Variants in PDZD2 observed in about 807,000 individuals in gnomAD.
The protein encoded by PDZD2 is PDZ domain-containing protein 2.
A neutral mutation model predicts 220.7 loss-of-function variants in PDZD2; 90 were observed. The ratio of observed to expected loss-of-function variants is 0.41; its 90% CI spans 0.34 to 0.49. The LOEUF is 0.49. Among genes scored for constraint, PDZD2 ranks in the 20% least tolerant of loss-of-function variants. The pLI is 0.28. For synonymous variants in PDZD2, 1,375 were observed against 1,450.5 expected (o/e 0.95, Z 1.18); for missense variants, 3,174 against 3,608.5 (o/e 0.88, Z 3.08).
chr5:31,825,631 T>C (rs1756162033), intron 2 of PDZD2, among the ~76,000 whole-genome samples: 2 of 152,216 alleles, frequency 1.3e-5, no homozygotes, highest in Admixed American at 1.3e-4. Flanking sequence ...TGTAGTCTTT[T>C]TCCAGACCTT....
In PDZD2 at chr5:31,930,451, G is replaced by A. The variant is rs558517777; in HGVS notation, c.477-52704G>A. The stretch of plus-strand genomic sequence containing the variant: ...CCTGACCTCGTGATCCGCCCGCCTC[G>A]GCCTCCCAAAGTGCTGGGATTACAG... On this transcript the variant is annotated intron_variant, in intron 2 of 24. Coordinates refer to ENST00000438447, the MANE Select transcript of PDZD2 (RefSeq NM_178140.4). Among the ~76,000 whole-genome samples, 104 of 151,878 alleles carry A rather than the reference G, an allele frequency of 6.8e-4. 1 individual carries two copies. The highest frequency in any genetic ancestry group is 1.3e-3 in the Non-Finnish European group (85 of 67,932).
intron 2 of PDZD2, among the ~76,000 whole-genome samples, chr5:31,869,353 A>G (rs1391891404): frequency 9.2e-5 from 14 of 152,012 alleles, no homozygotes; most frequent in Admixed American, 8.5e-4. Context: ...AGCACAGTCC[A>G]TCTCTTTTTT....
intron 10 of PDZD2, among the ~76,000 whole-genome samples, chr5:32,057,401 A>C (rs1049042035): frequency 3.3e-5 from 5 of 152,232 alleles, no homozygotes; most frequent in South Asian, 2.1e-4. Context: ...GCAATGGCTA[A>C]AAAAATAAGA....
At chr5:31,766,073 A>G (rs1046407120) in intron 1 of PDZD2, among the ~76,000 whole-genome samples, 7 of 152,198 alleles carry the variant, frequency 4.6e-5, no homozygotes, top group Non-Finnish European at 7.4e-5. Flanking sequence ...CCAGCTACTC[A>G]GGGGGCTGGG....
At chr5:31,723,955 A>C (rs1561408534) in intron 1 of PDZD2, among the ~76,000 whole-genome samples, 1 of 152,158 alleles carries the variant, frequency 6.6e-6, no homozygotes. Context: ...GAGGTGTGAA[A>C]GGCAAGCCTC....
intron 2 of PDZD2, among the ~76,000 whole-genome samples, chr5:31,826,455 T>A (rs564191116): frequency 2.8e-4 from 42 of 152,086 alleles, no homozygotes; most frequent in African/African-American, 9.9e-4. Context: ...GGTGGATCAT[T>A]TGAGGTCAGG....
intron 2 of PDZD2, among the ~76,000 whole-genome samples, chr5:31,820,401 ACT>A (rs1755765026): frequency 8.0e-6 from 1 of 124,506 alleles, no homozygotes; most frequent in African/African-American, 2.7e-5. Flanking sequence ...GTGTGACTAC[ACT>A]TTTTCACTTA....
chr5:32,105,848 C>T (rs1744710714), intron 24 of PDZD2, among the ~76,000 whole-genome samples: 1 of 152,138 alleles, frequency 6.6e-6, no homozygotes, highest in Non-Finnish European at 1.5e-5. Flanking sequence ...ATAGGAAATC[C>T]AAAATAGCAG....
chr5:31,707,590 A>G lies in PDZD2; in HGVS notation c.-361+68153A>G, dbSNP rs114021566. Among the ~76,000 whole-genome samples the G allele has an allele frequency of 8.2e-4, 125 of 152,302 alleles. 1 individual carries two copies. The highest frequency in any genetic ancestry group is 2.8e-3 in the African/African-American group (115 of 41,576). On this transcript the variant is annotated intron_variant, in intron 1 of 24. Transcript: ENST00000438447. ...GGCTAATATGAGTAATACAGTCTGT[A>G]TAGAAAGATAGAGCCACACCCACGT...
intron 2 of PDZD2, among the ~76,000 whole-genome samples, chr5:31,912,646 C>T (rs905132275): frequency 2.0e-5 from 3 of 152,128 alleles, no homozygotes; most frequent in South Asian, 2.1e-4. Context: ...CTCCTGTAGC[C>T]GATATGGCTA....
intron 1 of PDZD2, among the ~76,000 whole-genome samples, chr5:31,663,289 T>G (rs906787479): frequency 6.6e-6 from 1 of 152,242 alleles, no homozygotes; most frequent in African/African-American, 2.4e-5. Flanking sequence ...TAATCTTGTA[T>G]GTTATAAATG....
chr5:31,864,105 AGAG>A (rs1020838819), intron 2 of PDZD2, among the ~76,000 whole-genome samples: 7 of 152,180 alleles, frequency 4.6e-5, no homozygotes, highest in Non-Finnish European at 1.5e-5. Context: ...GCAGGGGATC[AGAG>A]GAGGAGGAAA....
intron 2 of PDZD2, among the ~76,000 whole-genome samples, chr5:31,981,152 A>G (rs1750265425): frequency 1.3e-5 from 2 of 152,114 alleles, no homozygotes; most frequent in Non-Finnish European, 2.9e-5. Context: ...TCTGTACAGT[A>G]TCTTTTATCT....
intron 24 of PDZD2, among the ~76,000 whole-genome samples, chr5:32,105,953 G>A (rs1460525015): frequency 6.6e-6 from 1 of 152,224 alleles, no homozygotes; most frequent in East Asian, 1.9e-4. Flanking sequence ...TCCTAAAGGA[G>A]CAGTCCCCAA....
At chr5:32,070,958 G>T (rs1156979366) in intron 15 of PDZD2, among the ~76,000 whole-genome samples, 1 of 152,158 alleles carries the variant, frequency 6.6e-6, no homozygotes, top group Non-Finnish European at 1.5e-5. Flanking sequence ...GGCAACAAGA[G>T]TCCAACTCCG....
At chr5:32,034,614 G>A (rs947372168) in intron 6 of PDZD2, among the ~76,000 whole-genome samples, 4 of 152,108 alleles carry the variant, frequency 2.6e-5, no homozygotes, top group East Asian at 1.9e-4. Flanking sequence ...ACCCGTCTCC[G>A]CTTCCCAAAG....
intron 1 of PDZD2, among the ~76,000 whole-genome samples, chr5:31,670,557 C>T (rs1746175942): frequency 6.6e-6 from 1 of 152,136 alleles, no homozygotes; most frequent in African/African-American, 2.4e-5. Context: ...GCTGGGATTA[C>T]AGGCACCCGC....
At chr5:32,094,082 T>C (rs1743425147) in intron 21 of PDZD2, among the ~76,000 whole-genome samples, 1 of 151,214 alleles carries the variant, frequency 6.6e-6, no homozygotes, top group Admixed American at 6.6e-5. Context: ...CTGAGTAGCC[T>C]GAGAAGGAGG....
intron 2 of PDZD2, among the ~76,000 whole-genome samples, chr5:31,895,499 C>T (rs773535724): frequency 5.9e-5 from 9 of 152,178 alleles, no homozygotes; most frequent in Non-Finnish European, 1.3e-4. Flanking sequence ...AAATACATTT[C>T]TACTGTTCAT....
Sources: allele counts gnomAD v4.1 joint callset (sites outside exome capture counted in the v4.1 genomes callset), GRCh38; gene constraint gnomAD v4.1.1; transcripts MANE v1.5; gene names NCBI Gene and HGNC (gene_info 2026-07-23, HGNC 2026-07-21).